The following FAM186A variants were observed in gnomAD, a reference collection of about 807,000 sequenced individuals.
FAM186A encodes the protein family with sequence similarity 186 member A.
A neutral mutation model predicts 216.8 loss-of-function variants in FAM186A; 163 were observed. The ratio of observed to expected loss-of-function variants is 0.75; its 90% confidence interval spans 0.66 to 0.86. The LOEUF is 0.86. Among genes scored for constraint, FAM186A ranks in the 40% least tolerant of loss-of-function variants. FAM186A has a pLI of 0.00. For synonymous variants in FAM186A, 805 were observed against 1,025.3 expected (o/e 0.79, Z 4.10); for missense variants, 2,184 against 2,746.2 (o/e 0.80, Z 4.58).
At chr12:50,380,083 C>T (rs748920804) in intron 1 of FAM186A, among the ~76,000 whole-genome samples, 9 of 152,040 alleles carry the variant, frequency 5.9e-5, no homozygotes, top group Non-Finnish European at 8.8e-5. Flanking sequence ...TTCATATACT[C>T]GATAATAAAC....
intron 4 of FAM186A, among the ~76,000 whole-genome samples, chr12:50,340,348 C>G (rs1003802476): frequency 6.6e-6 from 1 of 152,072 alleles, no homozygotes; most frequent in Admixed American, 6.6e-5. Flanking sequence ...GTAGCTTATC[C>G]ATCTTTGTAT....
Position 50,396,391 on chromosome 12 carries a change from T to C in FAM186A, c.94A>G (p.Ile32Val), listed in dbSNP as rs766961580. Residue 32 changes from isoleucine to valine, a missense_variant, in exon 1 of 8, where the codon ATC (isoleucine) becomes GTC (valine). Around this residue, in one of 7 missense-constraint regions of FAM186A, gnomAD observed 1,132 missense variants for 1,263.4 expected, o/e 0.90. Coordinates refer to ENST00000327337, the MANE Select transcript of FAM186A (RefSeq NM_001145475.3). ...STIMRREPQN[I>V]LSPLMLPNLE... ...TTAGGGAGCATCAAAGGACTAAGGA[T>C]ATTTTGGGGCTCTCTTCTCATGATG... 5.2e-6 allele frequency: 8 copies of C among 1,551,636 alleles called. No individual in the cohort carries two copies. The Middle Eastern group carries it at 1.0e-3, about 194-fold the overall frequency.
intron 1 of FAM186A, among the ~76,000 whole-genome samples, chr12:50,376,255 A>G (rs1943197277): frequency 6.6e-6 from 1 of 152,180 alleles, no homozygotes; most frequent in Non-Finnish European, 1.5e-5. Flanking sequence ...CAGCTCTTTT[A>G]GCTCCTGCTG....
intron 1 of FAM186A, among the ~76,000 whole-genome samples, chr12:50,368,937 G>T (rs1051114887): frequency 1.3e-5 from 2 of 150,154 alleles, no homozygotes; most frequent in African/African-American, 4.9e-5. Flanking sequence ...GGATTCTAAG[G>T]CCATCCAATG....
At chr12:50,363,564 A>G (rs1277029082) in intron 1 of FAM186A, among the ~76,000 whole-genome samples, 200 bp from the exon 2 acceptor site, 2 of 152,186 alleles carry the variant, frequency 1.3e-5, no homozygotes, top group Admixed American at 6.5e-5. Context: ...TAGCAATGCT[A>G]TGATATAATG....
rs1211727199 is a variant in FAM186A at position 50,396,364 on chromosome 12, G to A, written c.121C>T (p.Leu41Phe). 3 of 1,551,510 alleles carry A rather than the reference G, an allele frequency of 1.9e-6. No homozygotes were observed. Among genetic ancestry groups the A allele is most frequent in the East Asian group, 4.9e-5 (2 of 40,926 alleles). ...NILSPLMLPN[L>F]EIPFSVKDII... is the part of the protein sequence containing the mutation. ...TCCTTTACTGAGAATGGGATCTCAA[G>A]GTTAGGGAGCATCAAAGGACTAAGG... Residue 41 changes from leucine (L) to phenylalanine (F), a missense_variant, in exon 1 of 8, where the codon CTT becomes TTT. By Grantham distance (22) the Leu-to-Phe change is conservative. Coordinates refer to ENST00000327337, the MANE Select transcript of FAM186A (RefSeq NM_001145475.3).
chr12:50,351,678 C>T lies in FAM186A; in HGVS notation c.5154G>A (p.Ser1718=), dbSNP rs1480492035. 1.9e-6 allele frequency: 3 copies of T among 1,551,560 alleles called. No individual in the cohort carries two copies. The highest frequency in any genetic ancestry group is 2.4e-5 in the South Asian group (2 of 84,052). The change falls in exon 4 of 8, where the codon TCG becomes TCA. Residue 1718 remains serine (S), a synonymous_variant. Transcript: ENST00000327337. ...VQWSHRPFQK[S]KASLPTGQSI... ...ATTGCCCAGTGGGGAGAGAAGCCTT[C>T]GATTTCTGAAATGGTCTATGGGACC...
At chr12:50,376,800 A>G (rs1943202746) in intron 1 of FAM186A, among the ~76,000 whole-genome samples, 1 of 149,666 alleles carries the variant, frequency 6.7e-6, no homozygotes, top group Non-Finnish European at 1.5e-5. Flanking sequence ...GAGTTCAGTG[A>G]TGCAGTCACA....
In FAM186A at chr12:50,350,402, G is replaced by T; in HGVS notation, c.6430C>A (p.Leu2144Ile). The T allele has an allele frequency of 1.3e-6, 2 of 1,551,366 alleles. No homozygotes were observed. The highest frequency in any genetic ancestry group is 1.4e-5 in the African/African-American group (1 of 73,108). ...TMARTLIIEI[L>I]HMDTVQLGYL... Reference sequence around the variant, plus strand: ...CCCAACTGAACTGTGTCCATATGAAGTATCTCAATTATGAGAGTCCTAGCC... The same window carrying T: ...CCCAACTGAACTGTGTCCATATGAATTATCTCAATTATGAGAGTCCTAGCC... The change falls in exon 4 of 8, where the codon CTT becomes ATT. Residue 2144 changes from leucine (L) to isoleucine (I), a missense_variant. Physicochemically the swap from Leu to Ile is conservative, Grantham distance 5. This residue lies in a region of FAM186A where 721 missense variants were observed against 816.4 expected (regional missense o/e 0.88). Transcript: ENST00000327337.
chr12:50,394,766 TAGAGTCCC>T (rs1943397578), intron 1 of FAM186A, among the ~76,000 whole-genome samples: 1 of 124,508 alleles, frequency 8.0e-6, no homozygotes, highest in African/African-American at 3.1e-5. Context: ...TTTTTAGAGA[TAGAGTCCC>T]TCTGTCACCA....
intron 1 of FAM186A, among the ~76,000 whole-genome samples, chr12:50,385,622 C>T (rs528850147): frequency 7.2e-5 from 11 of 151,946 alleles, no homozygotes; most frequent in South Asian, 2.1e-4. Context: ...TCAAACTTGC[C>T]GGGCGTGGTG....
chr12:50,327,972 T>C (rs1430121397), intron 7 of FAM186A, among the ~76,000 whole-genome samples: 1 of 152,182 alleles, frequency 6.6e-6, no homozygotes, highest in Non-Finnish European at 1.5e-5. Context: ...AGTTAGAACA[T>C]GGCTTAAATA....
chr12:50,383,846 G>A lies in FAM186A; in HGVS notation c.192+12447C>T, dbSNP rs117396675. Among the ~76,000 whole-genome samples, 1,114 of 151,828 alleles carry A rather than the reference G, an allele frequency of 7.3e-3. 32 individuals are homozygous for A. The highest frequency in any genetic ancestry group is 0.062 in the East Asian group (318 of 5,102). On this transcript the variant is annotated intron_variant, in intron 1 of 7. Transcript: ENST00000327337. ...GAAAAAAGAAAGAAATAGGCCGGGC[G>A]CAGTAGTTCATGCCTGTAATCCCAG...
In FAM186A at chr12:50,355,953, C is replaced by G; in HGVS notation, c.879G>C (p.Glu293Asp). The G allele has an allele frequency of 6.4e-7, 1 of 1,551,530 alleles. No homozygotes were observed. The highest frequency in any genetic ancestry group is 8.7e-7 in the Non-Finnish European group (1 of 1,146,972). ...AGAGCTCCTTTTCTGCTTCACTTGT[C>G]TCATGTGCATACACAGTGGAACTTT... ...NFQSSTVYAHETSEAEKELSL... is the reference protein window; with the variant it reads ...NFQSSTVYAHDTSEAEKELSL... The change falls in exon 4 of 8, where the codon GAG (glutamate) becomes GAC (aspartate). Residue 293 changes from glutamate to aspartate, a missense_variant. This residue lies in a region of FAM186A where 1,132 missense variants were observed against 1,263.4 expected (regional missense o/e 0.90). Transcript: ENST00000327337.
Position 50,327,540 on chromosome 12 carries a change from CTTTTTTTT to C in FAM186A, c.7035-144_7035-137del, listed in dbSNP as rs781530836. 6.3e-6 allele frequency: 3 copies of C among 475,764 alleles called. No individual in the cohort carries two copies. The East Asian group carries it at 1.1e-4, about 18-fold the overall frequency. 29.5% of individuals were successfully genotyped at this position (475,764 alleles called of 1,614,324 possible). ...AAACTAGTAAAATCTGTATGTAATC[CTTTTTTTT>C]TTTTTTTTTTTGAGACAGGGTCTCC... On this transcript the variant is annotated intron_variant, in intron 7 of 7. Coordinates refer to ENST00000327337, the MANE Select transcript of FAM186A (RefSeq NM_001145475.3).
chr12:50,339,110 G>T (rs937691382), intron 4 of FAM186A, among the ~76,000 whole-genome samples: 1 of 151,594 alleles, frequency 6.6e-6, no homozygotes, highest in Non-Finnish European at 1.5e-5. Flanking sequence ...AACCTCTCAG[G>T]CTCATGGGAT....
chr12:50,363,468 A>G, intron 1 of FAM186A, 104 bp from the exon 2 acceptor site: 1 of 1,009,590 alleles, frequency 9.9e-7, no homozygotes, highest in Non-Finnish European at 1.4e-6. Flanking sequence ...AAGCTATCCA[A>G]TTAAAGTCTT....
At chr12:50,370,063 G>T (rs1390973763) in intron 1 of FAM186A, among the ~76,000 whole-genome samples, 3 of 134,384 alleles carry the variant, frequency 2.2e-5, no homozygotes, top group East Asian at 2.4e-4. Context: ...GGCGGAGCTT[G>T]CAGTGAGCAG....
At chr12:50,372,696 T>C (rs1399127488) in intron 1 of FAM186A, among the ~76,000 whole-genome samples, 4 of 147,658 alleles carry the variant, frequency 2.7e-5, no homozygotes, top group Non-Finnish European at 4.5e-5. Context: ...AGGTCAGGAG[T>C]TGGAGACTGA....
Sources: gnomAD v4.1 joint callset for allele counts (sites outside exome capture counted in the v4.1 genomes callset) on GRCh38, gnomAD v4.1.1 for gene constraint, gnomAD v4.1.1 regional missense constraint, MANE v1.5 for transcripts, NCBI Gene and HGNC (gene_info 2026-07-23, HGNC 2026-07-21) for gene names.